EPB41L3: variants seen among roughly 807,000 people sequenced by gnomAD.
EPB41L3 encodes the protein erythrocyte membrane protein band 4.1 like 3, also known as band 4.1-like protein 3.
EPB41L3 carries 57 observed loss-of-function variants against 127.1 expected under a neutral mutation model. That is an observed-to-expected ratio of 0.45 (90% confidence interval 0.36 to 0.56). The LOEUF is 0.56. Among genes scored for constraint, EPB41L3 ranks in the 20% least tolerant of loss-of-function variants. EPB41L3 has a pLI of 0.00. For synonymous variants in EPB41L3, 572 were observed against 549.5 expected (o/e 1.04, Z -0.57); for missense variants, 1,273 against 1,372.2 (o/e 0.93, Z 1.14).
intron 3 of EPB41L3, among the ~76,000 whole-genome samples, chr18:5,600,971 C>T (rs79030656): frequency 1.3e-5 from 2 of 152,130 alleles, no homozygotes; most frequent in Non-Finnish European, 2.9e-5. Flanking sequence ...TAGTACTCAG[C>T]TAATTCATGG....
At chr18:5,438,641 T>C (rs1410350015) in intron 5 of EPB41L3, among the ~76,000 whole-genome samples, 1 of 152,246 alleles carries the variant, frequency 6.6e-6, no homozygotes, top group East Asian at 1.9e-4. Context: ...GTAAGTGGGC[T>C]GCTCTGTGGG....
intron 2 of EPB41L3, among the ~76,000 whole-genome samples, chr18:5,480,717 G>A (rs1200227598): frequency 1.3e-5 from 2 of 152,184 alleles, no homozygotes; most frequent in East Asian, 3.9e-4. Context: ...ACAATGACTA[G>A]AAGAGACAGG....
At chr18:5,492,097 A>G (rs1598281778) in intron 1 of EPB41L3, among the ~76,000 whole-genome samples, 1 of 152,164 alleles carries the variant, frequency 6.6e-6, no homozygotes, top group Non-Finnish European at 1.5e-5. Flanking sequence ...AGGCGGGTGG[A>G]TCACTTGAGG....
At chr18:5,560,221 G>C (rs2094104685) in intron 3 of EPB41L3, among the ~76,000 whole-genome samples, 1 of 152,202 alleles carries the variant, frequency 6.6e-6, no homozygotes, top group African/African-American at 2.4e-5. Context: ...AATAGCACAA[G>C]AGCTGATTAA....
At chr18:5,594,566 G>A (rs1249316022) in intron 3 of EPB41L3, among the ~76,000 whole-genome samples, 1 of 152,104 alleles carries the variant, frequency 6.6e-6, no homozygotes, top group African/African-American at 2.4e-5. Flanking sequence ...TTTTAATTAT[G>A]TCACCCTAAA....
At chr18:5,437,210 T>C (rs73937127) in intron 6 of EPB41L3, among the ~76,000 whole-genome samples, 2,720 of 152,084 alleles carry the variant, frequency 0.018, 100 homozygotes, top group African/African-American at 0.063. Flanking sequence ...CTCTGGGAAG[T>C]GATTAGGGTG....
intron 16 of EPB41L3, among the ~76,000 whole-genome samples, chr18:5,402,582 T>C (rs2074684670): frequency 6.6e-6 from 1 of 151,982 alleles, no homozygotes; most frequent in Non-Finnish European, 1.5e-5. Flanking sequence ...ACAGGTAACA[T>C]AGGGAGATTT....
chr18:5,497,791 A>G (rs2091314162), intron 1 of EPB41L3, among the ~76,000 whole-genome samples: 1 of 152,212 alleles, frequency 6.6e-6, no homozygotes, highest in Non-Finnish European at 1.5e-5. Context: ...TCTTCCAAAA[A>G]AGCAAATTTA....
chr18:5,498,211 A>C (rs994917823), intron 1 of EPB41L3, among the ~76,000 whole-genome samples: 2 of 152,216 alleles, frequency 1.3e-5, no homozygotes, highest in Non-Finnish European at 2.9e-5. Context: ...TGCTAAAAAA[A>C]ATTTTTCCAG....
intron 3 of EPB41L3, among the ~76,000 whole-genome samples, chr18:5,459,663 C>T (rs6506305): frequency 0.44 from 66,523 of 151,992 alleles, 15,120 homozygotes; most frequent in East Asian, 0.71. Flanking sequence ...AATCCTCTTA[C>T]GGAAATAAAT....
chr18:5,474,091 CGTGGTGGTGGGCGCCTGT>C (rs2086685095), intron 3 of EPB41L3, among the ~76,000 whole-genome samples: 1 of 151,804 alleles, frequency 6.6e-6, no homozygotes, highest in South Asian at 2.1e-4. Context: ...ATTAGCCGGG[CGTGGTGGTGGGCGCCTGT>C]AGTCCCAGCT....
At chr18:5,617,396 GC>G (rs1481756523) in intron 1 of EPB41L3, among the ~76,000 whole-genome samples, 1 of 149,898 alleles carries the variant, frequency 6.7e-6, no homozygotes, top group Non-Finnish European at 1.5e-5. Flanking sequence ...TCCGCTCACT[GC>G]AAGCTCCGCC....
At chr18:5,521,450 T>A (rs1271099110) in intron 1 of EPB41L3, 1 of 152,224 alleles carries the variant, frequency 6.6e-6, no homozygotes, top group Non-Finnish European at 1.5e-5. Flanking sequence ...GGGTCACGTG[T>A]GTCACTGATA....
intron 3 of EPB41L3, among the ~76,000 whole-genome samples, chr18:5,572,109 G>T (rs752878888): frequency 1.3e-5 from 2 of 152,208 alleles, no homozygotes; most frequent in Non-Finnish European, 2.9e-5. Context: ...CACTCTACAT[G>T]TGAAAAGGAT....
chr18:5,412,359 G>A (rs2076298997), intron 13 of EPB41L3, among the ~76,000 whole-genome samples: 1 of 151,944 alleles, frequency 6.6e-6, no homozygotes, highest in Non-Finnish European at 1.5e-5. Context: ...AGTCCTAGCT[G>A]GGACTATAGG....
intron 1 of EPB41L3, among the ~76,000 whole-genome samples, chr18:5,498,412 G>A (rs2091387416): frequency 6.6e-6 from 1 of 151,874 alleles, no homozygotes; most frequent in African/African-American, 2.4e-5. Context: ...TGGCCAACAT[G>A]GTGAAACCCC....
chr18:5,408,573 C>G (rs964058611), intron 14 of EPB41L3, among the ~76,000 whole-genome samples: 7 of 151,778 alleles, frequency 4.6e-5, no homozygotes, highest in Non-Finnish European at 8.8e-5. Context: ...CCACGCCCAG[C>G]CAATTTTCTT....
At chr18:5,506,049 C>T (rs142842876) in intron 1 of EPB41L3, among the ~76,000 whole-genome samples, 6 of 151,896 alleles carry the variant, frequency 4.0e-5, no homozygotes, top group South Asian at 2.1e-4. Flanking sequence ...TCACCTCTGC[C>T]CCAGCCTACC....
intron 13 of EPB41L3, 94 bp downstream of exon 13, chr18:5,415,724 A>C: frequency 7.7e-7 from 1 of 1,301,290 alleles, no homozygotes; most frequent in Non-Finnish European, 1.1e-6. Context: ...TGAGGCTCTG[A>C]AAGTAGGACC....
Sources: allele counts gnomAD v4.1 joint callset (sites outside exome capture counted in the v4.1 genomes callset), GRCh38; gene constraint gnomAD v4.1.1; transcripts MANE v1.5; gene names NCBI Gene and HGNC (gene_info 2026-07-23, HGNC 2026-07-21).